Variants in CDH13 observed in about 807,000 individuals in gnomAD.
CDH13 encodes cadherin 13, also known as cadherin-13.
In CDH13, 24 loss-of-function variants were observed where a neutral mutation model predicts 63.8. The ratio of observed to expected loss-of-function variants is 0.38; its 90% CI spans 0.27 to 0.53. CDH13 has a LOEUF of 0.53. CDH13 is among the 20% of genes least tolerant of loss of function. CDH13 has a pLI of 0.85. For missense variants in CDH13, 1,049 were observed against 903.1 expected (o/e 1.16, Z -2.07); for synonymous variants, 503 against 355.3 (o/e 1.42, Z -4.67).
chr16:82,923,091 A>G (rs1221294542), intron 2 of CDH13, among the ~76,000 whole-genome samples: 2 of 152,166 alleles, frequency 1.3e-5, no homozygotes, highest in Non-Finnish European at 2.9e-5. Flanking sequence ...CAAAGAACAC[A>G]TGTTTTAGGA....
chr16:83,631,639 C>CA (rs1186903235), intron 8 of CDH13, among the ~76,000 whole-genome samples: 1 of 152,024 alleles, frequency 6.6e-6, no homozygotes, highest in African/African-American at 2.4e-5. Context: ...CAGGATGCGC[C>CA]AACGAGATGC....
intron 1 of CDH13, among the ~76,000 whole-genome samples, chr16:82,696,783 C>T (rs1034813842): frequency 1.3e-5 from 2 of 152,134 alleles, no homozygotes; most frequent in African/African-American, 4.8e-5. Context: ...AGTATTATTA[C>T]AGAAACATTG....
chr16:82,759,899 C>T (rs2034767509), intron 1 of CDH13, among the ~76,000 whole-genome samples: 1 of 152,036 alleles, frequency 6.6e-6, no homozygotes, highest in African/African-American at 2.4e-5. Flanking sequence ...CTACCAAGCC[C>T]CAATCCACAT....
At chr16:82,969,257 ACT>A (rs1908334129) in intron 2 of CDH13, among the ~76,000 whole-genome samples, 1 of 152,088 alleles carries the variant, frequency 6.6e-6, no homozygotes, top group African/African-American at 2.4e-5. Flanking sequence ...TAACTAGTAA[ACT>A]CTGCTACTGT....
intron 2 of CDH13, among the ~76,000 whole-genome samples, chr16:82,997,669 C>G (rs1158473861): frequency 1.3e-5 from 2 of 152,120 alleles, no homozygotes; most frequent in African/African-American, 2.4e-5. Flanking sequence ...ATACTGGGCA[C>G]AAGAGATTTT....
intron 3 of CDH13, among the ~76,000 whole-genome samples, chr16:83,119,650 C>T (rs773866775): frequency 7.9e-5 from 12 of 152,144 alleles, no homozygotes; most frequent in South Asian, 2.1e-4. Context: ...TTTCTGGCCA[C>T]GGATTGGCAC....
In CDH13 at chr16:82,644,903, G is replaced by T. The variant is rs550331302; in HGVS notation, c.45+17766G>T. Among the ~76,000 whole-genome samples, 21 of 151,958 alleles carry T rather than the reference G, an allele frequency of 1.4e-4. No homozygotes were observed. Among genetic ancestry groups the T allele is most frequent in the African/African-American group, 3.9e-4 (16 of 41,478 alleles). ...ATGGGAGGTTAATATGGGTTCTGGG[G>T]AAAAAAAATTAGGGGAATCAAAAAA... On this transcript the variant is annotated intron_variant, in intron 1 of 13. Transcript: ENST00000567109. This position sits in a 1 kb window ranked among gnomAD's most constrained non-coding sequence, Gnocchi z 5.7.
intron 2 of CDH13, among the ~76,000 whole-genome samples, chr16:82,993,307 C>A (rs188853342): frequency 6.6e-6 from 1 of 151,970 alleles, no homozygotes; most frequent in African/African-American, 2.4e-5. Flanking sequence ...TACTGTTGTT[C>A]TTGATTTCAG....
At chr16:83,681,538 AC>A in intron 10 of CDH13, among the ~76,000 whole-genome samples, 1 of 151,498 alleles carries the variant, frequency 6.6e-6, no homozygotes, top group East Asian at 1.9e-4. Flanking sequence ...CTGGCTGGAC[AC>A]CCCCTTTCCC....
chr16:83,508,771 C>A (rs1403315408), intron 7 of CDH13, among the ~76,000 whole-genome samples: 1 of 152,126 alleles, frequency 6.6e-6, no homozygotes, highest in Non-Finnish European at 1.5e-5. Flanking sequence ...AAGATTGTAT[C>A]CTGAATAAGC....
intron 7 of CDH13, among the ~76,000 whole-genome samples, chr16:83,556,900 C>G (rs2075614293): frequency 6.6e-6 from 1 of 152,246 alleles, no homozygotes; most frequent in Non-Finnish European, 1.5e-5. Flanking sequence ...CCCTGTGCCT[C>G]TGTCATCCTG....
intron 7 of CDH13, among the ~76,000 whole-genome samples, chr16:83,545,693 C>G (rs2075374757): frequency 6.6e-6 from 1 of 152,160 alleles, no homozygotes; most frequent in South Asian, 2.1e-4. Context: ...CCATACAGTT[C>G]CTCTCCCTGC....
intron 5 of CDH13, among the ~76,000 whole-genome samples, chr16:83,279,369 G>A (rs957184421): frequency 2.0e-5 from 3 of 152,132 alleles, no homozygotes; most frequent in African/African-American, 7.2e-5. Flanking sequence ...TCACAATGCC[G>A]AGGGGCTCCT....
intron 4 of CDH13, chr16:83,171,614 T>G (rs1169861141): frequency 6.9e-7 from 1 of 1,459,424 alleles, no homozygotes; most frequent in African/African-American, 1.4e-5. Flanking sequence ...TATCTTCATT[T>G]CCTTGTTTGT....
intron 1 of CDH13, among the ~76,000 whole-genome samples, chr16:82,704,313 A>G (rs1314940641): frequency 6.6e-6 from 1 of 152,226 alleles, no homozygotes; most frequent in Non-Finnish European, 1.5e-5. Flanking sequence ...AGAATGAATC[A>G]TTAAGGCTGT....
intron 2 of CDH13, among the ~76,000 whole-genome samples, chr16:82,980,123 G>C (rs762192174): frequency 2.0e-5 from 3 of 152,220 alleles, no homozygotes; most frequent in Non-Finnish European, 4.4e-5. Flanking sequence ...GGGTTAAGAG[G>C]AGAGGAGGGA....
intron 10 of CDH13, among the ~76,000 whole-genome samples, chr16:83,705,579 GC>G (rs1428512450): frequency 6.6e-6 from 1 of 152,162 alleles, no homozygotes; most frequent in Non-Finnish European, 1.5e-5. Context: ...CCGAGATCAC[GC>G]CACTGCACTC....
At chr16:83,730,111 G>A (rs189956357) in intron 10 of CDH13, among the ~76,000 whole-genome samples, 6 of 152,284 alleles carry the variant, frequency 3.9e-5, no homozygotes, top group Admixed American at 2.0e-4. Context: ...TGTCTACGTA[G>A]CATTCCATTA....
chr16:83,006,053 T>C (rs1415589470), intron 2 of CDH13, among the ~76,000 whole-genome samples: 10 of 152,212 alleles, frequency 6.6e-5, no homozygotes, highest in Admixed American at 4.6e-4. Flanking sequence ...TTACATTTCA[T>C]GTCCTTAAGG....
Sources: allele counts gnomAD v4.1 joint callset (sites outside exome capture counted in the v4.1 genomes callset), GRCh38; gene constraint gnomAD v4.1.1; non-coding constraint Gnocchi (gnomAD v3.1); transcripts MANE v1.5; gene names NCBI Gene and HGNC (gene_info 2026-07-23, HGNC 2026-07-21).